CCDC190: variants seen among roughly 807,000 people sequenced by gnomAD.
CCDC190 encodes the protein coiled-coil domain-containing protein 190.
A neutral mutation model predicts 13.1 loss-of-function variants in CCDC190; 10 were observed. The ratio of observed to expected loss-of-function variants is 0.77; its 90% CI spans 0.47 to 1.30. CCDC190 has a LOEUF of 1.30. CCDC190 is among the 50% of genes most tolerant of loss of function. CCDC190 has a pLI of 0.00. For synonymous variants in CCDC190, 136 were observed against 127.2 expected, an observed-to-expected ratio of 1.07 and a Z score of -0.47; for missense variants, 375 against 354.3, an observed-to-expected ratio of 1.06 and a Z score of -0.47.
chr1:162,854,369 A>G lies in CCDC190; in HGVS notation c.*396T>C, dbSNP rs781528560. 1.6e-4 allele frequency: 162 copies of G among 1,005,744 alleles called. No individual in the cohort carries two copies. The highest frequency in any genetic ancestry group is 1.9e-4 in the Non-Finnish European group (157 of 841,748). The allele number at this position is 1,005,744 out of a possible 1,614,324, so 62.3% of individuals were successfully genotyped here. ...TTACAATCACATTCCTATTCCTACC[A>G]CTACTATATATCAAACTAAAACAGA... On this transcript the variant is annotated 3_prime_UTR_variant, in exon 4 of 4. Transcript: ENST00000367912.
At chr1:162,855,574 G>T in intron 3 of CCDC190, 58 bp downstream of exon 3, 8 of 1,593,538 alleles carry the variant, frequency 5.0e-6, no homozygotes, top group Non-Finnish European at 6.8e-6. Context: ...GTTTAAAGAG[G>T]TCATTTGGGA....
intron 2 of CCDC190, among the ~76,000 whole-genome samples, chr1:162,859,053 T>G (rs1412539800): frequency 6.6e-6 from 1 of 152,172 alleles, no homozygotes; most frequent in East Asian, 1.9e-4. Flanking sequence ...GACTTGCACA[T>G]GAGTAACTGC....
At chr1:162,867,732 C>G (rs947925498) in intron 1 of CCDC190, among the ~76,000 whole-genome samples, 2 of 152,094 alleles carry the variant, frequency 1.3e-5, no homozygotes, top group Non-Finnish European at 2.9e-5. Context: ...TTCATCCATA[C>G]AATGGAATAC....
Position 162,852,343 on chromosome 1 carries a change from G to A in CCDC190, c.*2422C>T, listed in dbSNP as rs1169016723. ...TAAGTAAAGTGGCCATGGACTGGTCGAGAGCAAGCCATCCTAGAGCACCGT... is the reference window on the plus strand; with the variant it reads ...TAAGTAAAGTGGCCATGGACTGGTCAAGAGCAAGCCATCCTAGAGCACCGT... On this transcript the variant is annotated 3_prime_UTR_variant, in exon 4 of 4. Coordinates refer to ENST00000367912, the MANE Select transcript of CCDC190 (RefSeq NM_001394065.1). The A allele has an allele frequency of 1.3e-5, 2 of 152,236 alleles. No homozygotes were observed. Among genetic ancestry groups the A allele is most frequent in the African/African-American group, 2.4e-5 (1 of 41,444 alleles). The allele number at this position is 152,236 out of a possible 1,614,324, so 9.4% of individuals were successfully genotyped here.
At chr1:162,859,682 A>G (rs758126277) in intron 1 of CCDC190, 24 bp from the exon 2 acceptor site, 19 of 1,569,108 alleles carry the variant, frequency 1.2e-5, no homozygotes, top group Admixed American at 9.1e-5. Flanking sequence ...GGTATCACAA[A>G]TAACCTGATA....
At chr1:162,864,162 A>C (rs189769674), upstream of CCDC190, among the ~76,000 whole-genome samples, 8 of 152,308 alleles carry the variant, frequency 5.3e-5, no homozygotes, top group East Asian at 1.5e-3. Flanking sequence ...ACAGAGGAAC[A>C]CAATAAGAAT....
At chr1:162,859,713 AC>A in intron 1 of CCDC190, 55 bp from the exon 2 acceptor site, 1 of 1,429,156 alleles carries the variant, frequency 7.0e-7, no homozygotes, top group Non-Finnish European at 9.5e-7. Flanking sequence ...TGGGATACTG[AC>A]CCCGGCTTTT....
chr1:162,860,162 T>C (rs1297806653), intron 1 of CCDC190, among the ~76,000 whole-genome samples: 2 of 152,160 alleles, frequency 1.3e-5, no homozygotes, highest in East Asian at 3.9e-4. Context: ...CAGCCTGTAA[T>C]CCTACTGTAT....
At chr1:162,866,781 G>T (rs1396649755) in intron 1 of CCDC190, among the ~76,000 whole-genome samples, 3 of 151,664 alleles carry the variant, frequency 2.0e-5, no homozygotes, top group Non-Finnish European at 4.4e-5. Context: ...GACTTTAGAA[G>T]TAAACTCACA....
At chr1:162,865,913 T>C (rs12137443), upstream of CCDC190, among the ~76,000 whole-genome samples, 21,418 of 152,172 alleles carry the variant, frequency 0.14, 1,576 homozygotes, top group Middle Eastern at 0.2. Context: ...AAGAAAAAGA[T>C]ATACAGACTG....
rs1558109090 is a variant in CCDC190, at chr1:162,852,521, A to C, written c.*2244T>G. ...CGAAGAAGGCAAATGTATTAGACTA[A>C]ATGATAAGAAGATAAAATCTAGGTG... On this transcript the variant is annotated 3_prime_UTR_variant, in exon 4 of 4. Coordinates refer to ENST00000367912, the MANE Select transcript of CCDC190 (RefSeq NM_001394065.1). The C allele has an allele frequency of 6.5e-6, 1 of 152,818 alleles. No homozygotes were observed. Among genetic ancestry groups the C allele is most frequent in the Non-Finnish European group, 1.5e-5 (1 of 68,458 alleles). 9.5% of individuals were successfully genotyped at this position (152,818 alleles called of 1,614,324 possible).
In CCDC190 at chr1:162,859,831, G is replaced by A. The variant is rs563354561; in HGVS notation, c.-12-173C>T. On this transcript the variant is annotated intron_variant, in intron 1 of 3. Coordinates refer to ENST00000367912, the MANE Select transcript of CCDC190 (RefSeq NM_001394065.1). ...GTTTCCAGAGTAACACAGAAGGATT[G>A]AGGGTAGTCATTCCTCTGAGCCTCA... is the stretch of plus-strand genomic sequence containing the variant. Among the ~76,000 whole-genome samples, 16 of 152,156 alleles carry A rather than the reference G, an allele frequency of 1.1e-4. No individual in the cohort carries two copies. In the East Asian group the frequency reaches 2.7e-3, roughly 26 times the overall value.
chr1:162,859,785 A>C (rs1650437219), intron 1 of CCDC190, 127 bp from the exon 2 acceptor site: 1 of 684,180 alleles, frequency 1.5e-6, no homozygotes, highest in South Asian at 2.1e-5. Context: ...AGTCAGATGA[A>C]ATCACACTAT....
At chr1:162,864,076 TATAAA>T, upstream of CCDC190, among the ~76,000 whole-genome samples, 1 of 151,242 alleles carries the variant, frequency 6.6e-6, no homozygotes, top group East Asian at 1.9e-4. Flanking sequence ...CTCCAAGGTA[TATAAA>T]ATAAAATTAT....
In CCDC190 at chr1:162,852,750, A is replaced by C. The variant is rs12134171; in HGVS notation, c.*2015T>G. On this transcript the variant is annotated 3_prime_UTR_variant, in exon 4 of 4. Coordinates refer to ENST00000367912, the MANE Select transcript of CCDC190 (RefSeq NM_001394065.1). ...GATTGAGGTGGACCTGGAACAGAGA[A>C]CTAGGCTGAAGTTGGCTCCCTCCTG... 68,549 of 204,412 alleles carry C rather than the reference A, an allele frequency of 0.34. 11,811 individuals are homozygous for C. Among genetic ancestry groups the C allele is most frequent in the South Asian group, 0.42 (3,329 of 7,938 alleles). 12.7% of individuals were successfully genotyped at this position (204,412 alleles called of 1,614,324 possible). A position where few individuals can be genotyped will look rare whatever the true frequency, so the allele number is the denominator to read the frequency against.
Position 162,852,983 on chromosome 1 carries a change from G to A in CCDC190, c.*1782C>T, listed in dbSNP as rs762162956. The A allele has an allele frequency of 2.2e-5, 17 of 790,578 alleles. No homozygotes were observed. The highest frequency in any genetic ancestry group is 3.4e-5 in the Non-Finnish European group (16 of 469,892). The allele number at this position is 790,578 out of a possible 1,614,324, so 49.0% of individuals were successfully genotyped here. ...CTCTAATTGTTGTATGCCTATTCAT[G>A]TTGGCCCAGGCATGGCTGGTGCAAA... On this transcript the variant is annotated 3_prime_UTR_variant, in exon 4 of 4. Transcript: ENST00000367912.
In CCDC190 at chr1:162,861,036, CTA is replaced by C. The variant is rs1292010781; in HGVS notation, c.-43_-42del. The C allele has an allele frequency of 1.5e-5, 15 of 984,656 alleles. No homozygotes were observed. The highest frequency in any genetic ancestry group is 1.8e-5 in the Non-Finnish European group (15 of 829,382). 61.0% of individuals were successfully genotyped at this position (984,656 alleles called of 1,614,324 possible). On this transcript the variant is annotated 5_prime_UTR_variant, in exon 1 of 4. Coordinates refer to ENST00000367912, the MANE Select transcript of CCDC190 (RefSeq NM_001394065.1). ...CAAATCCAGAGTTTTCACCATGAGA[CTA>C]TGTCTTGTTTCTTTTGCTATGTCAG...
At chr1:162,864,442 G>A (rs1164403121), upstream of CCDC190, among the ~76,000 whole-genome samples, 1 of 152,022 alleles carries the variant, frequency 6.6e-6, no homozygotes, top group African/African-American at 2.4e-5. Flanking sequence ...GAAAGAAAGA[G>A]CACCAGAAAT....
upstream of CCDC190, among the ~76,000 whole-genome samples, chr1:162,861,490 C>A (rs1469695264): frequency 6.6e-6 from 1 of 151,384 alleles, no homozygotes. Context: ...TTCATTCCTA[C>A]TTCTTGAAAA....
Sources: allele counts gnomAD v4.1 joint callset (sites outside exome capture counted in the v4.1 genomes callset), GRCh38; gene constraint gnomAD v4.1.1; transcripts MANE v1.5; gene names NCBI Gene and HGNC (gene_info 2026-07-23, HGNC 2026-07-21).